TNFRSF19: variants seen among roughly 807,000 people sequenced by gnomAD.
The protein encoded by TNFRSF19 is tumor necrosis factor receptor superfamily member 19.
TNFRSF19 carries 27 observed loss-of-function variants against 46.4 expected under a neutral mutation model. The observed-to-expected ratio is 0.58, with a 90% CI of 0.43 to 0.80. The LOEUF is 0.80. Ranked by LOEUF, TNFRSF19 falls within the 30% of genes least tolerant of loss-of-function variation. The pLI, the probability that TNFRSF19 is intolerant of heterozygous loss-of-function variation, is 0.00. For missense variants in TNFRSF19, 511 were observed against 530.8 expected, an observed-to-expected ratio of 0.96 and a Z score of 0.37; for synonymous variants, 204 against 205.0, an observed-to-expected ratio of 1.00 and a Z score of 0.04.
At chr13:23,672,055 A>C (rs1228963350) in intron 9 of TNFRSF19, among the ~76,000 whole-genome samples, 1 of 152,180 alleles carries the variant, frequency 6.6e-6, no homozygotes, top group Non-Finnish European at 1.5e-5. Context: ...GCCAAACAGC[A>C]CTTCTGTCTT....
intron 5 of TNFRSF19, among the ~76,000 whole-genome samples, chr13:23,652,972 A>G (rs1331517379): frequency 6.6e-6 from 1 of 152,242 alleles, no homozygotes; most frequent in East Asian, 1.9e-4. Context: ...AAGCTGCTGT[A>G]ACAAAGAGAC....
At chr13:23,635,024 T>C (rs1254806883) in intron 5 of TNFRSF19, among the ~76,000 whole-genome samples, 1 of 152,044 alleles carries the variant, frequency 6.6e-6, no homozygotes, top group African/African-American at 2.4e-5. Context: ...CAGCCTGCCC[T>C]TCACATAATG....
At chr13:23,571,872 G>GC (rs1423384502) in intron 1 of TNFRSF19, among the ~76,000 whole-genome samples, 73 of 144,486 alleles carry the variant, frequency 5.1e-4, no homozygotes, top group Non-Finnish European at 2.1e-4. Flanking sequence ...TGTTCGCGAT[G>GC]TTTTTTTTTT....
chr13:23,600,897 A>G (rs140213515), intron 3 of TNFRSF19, among the ~76,000 whole-genome samples: 39 of 152,362 alleles, frequency 2.6e-4, no homozygotes, highest in Non-Finnish European at 4.7e-4. Flanking sequence ...ACAAAAATGT[A>G]CAAAGCATAC....
At chr13:23,584,899 G>A (rs1475888643) in intron 1 of TNFRSF19, among the ~76,000 whole-genome samples, 1 of 152,170 alleles carries the variant, frequency 6.6e-6, no homozygotes, top group Non-Finnish European at 1.5e-5. Context: ...TAGTGAGATT[G>A]AAAGCTAAGA....
At chr13:23,670,049 AG>A (rs1951732266) in intron 9 of TNFRSF19, among the ~76,000 whole-genome samples, 1 of 152,150 alleles carries the variant, frequency 6.6e-6, no homozygotes, top group Admixed American at 6.5e-5. Context: ...CCTGCTCCAG[AG>A]GGGCCTCACT....
intron 5 of TNFRSF19, among the ~76,000 whole-genome samples, chr13:23,637,304 C>T (rs896915146): frequency 2.0e-5 from 3 of 152,180 alleles, no homozygotes; most frequent in African/African-American, 7.2e-5. Context: ...ATGTAGGCTT[C>T]GCTGTGAAGA....
At chr13:23,664,493 C>A (rs1951585325) in intron 7 of TNFRSF19, among the ~76,000 whole-genome samples, 1 of 152,172 alleles carries the variant, frequency 6.6e-6, no homozygotes, top group South Asian at 2.1e-4. Flanking sequence ...TAGCCAACCA[C>A]CCTCTCTACA....
At chr13:23,582,880 T>C (rs142877339) in intron 1 of TNFRSF19, among the ~76,000 whole-genome samples, 4 of 152,340 alleles carry the variant, frequency 2.6e-5, no homozygotes, top group Non-Finnish European at 5.9e-5. Flanking sequence ...TTCATCCACA[T>C]TATTACAGGT....
intron 1 of TNFRSF19, among the ~76,000 whole-genome samples, chr13:23,586,689 T>C (rs944844848): frequency 1.3e-5 from 2 of 152,180 alleles, no homozygotes; most frequent in Admixed American, 6.5e-5. Context: ...TTAGGACACA[T>C]CCGTGTTAGT....
At chr13:23,660,677 T>G (rs1006770470) in intron 7 of TNFRSF19, among the ~76,000 whole-genome samples, 187 bp downstream of exon 7, 8 of 152,162 alleles carry the variant, frequency 5.3e-5, no homozygotes, top group Admixed American at 3.3e-4. Flanking sequence ...CTCTTAAGCA[T>G]TAAAAAGGAA....
At chr13:23,608,189 G>A (rs1229408612) in intron 3 of TNFRSF19, among the ~76,000 whole-genome samples, 2 of 152,134 alleles carry the variant, frequency 1.3e-5, no homozygotes, top group African/African-American at 2.4e-5. Context: ...GACTTAGATT[G>A]ATGATACCCT....
chr13:23,613,050 T>A (rs1453551597), intron 3 of TNFRSF19, among the ~76,000 whole-genome samples: 1 of 152,220 alleles, frequency 6.6e-6, no homozygotes, highest in Non-Finnish European at 1.5e-5. Context: ...TTAAGAAAAT[T>A]ATGATTTCTT....
At position 23,673,271 on chromosome 13, in the gene TNFRSF19, T is replaced by G. The variant is rs182724202; in HGVS notation, c.1246-101T>G. 226 of 1,309,074 alleles carry G rather than the reference T, an allele frequency of 1.7e-4. 2 individuals carry two copies. In the African/African-American group the frequency reaches 3.0e-3, roughly 18 times the overall value. The allele number at this position is 1,309,074 out of a possible 1,614,324, so 81.1% of individuals were successfully genotyped here. ...ATGCTATTATTATATCCATGTATAC[T>G]ACTAGTAAAAGTTATGCATAATAAT... On this transcript the variant is annotated intron_variant, in intron 9 of 9. Coordinates refer to ENST00000248484, the MANE Select transcript of TNFRSF19 (RefSeq NM_148957.4).
At chr13:23,604,070 G>A (rs1880350338) in intron 3 of TNFRSF19, among the ~76,000 whole-genome samples, 1 of 151,946 alleles carries the variant, frequency 6.6e-6, no homozygotes, top group African/African-American at 2.4e-5. Context: ...ACTTCTCCTT[G>A]TTCACATATG....
At chr13:23,649,251 G>A (rs1049195945) in intron 5 of TNFRSF19, among the ~76,000 whole-genome samples, 8 of 151,960 alleles carry the variant, frequency 5.3e-5, no homozygotes, top group African/African-American at 1.4e-4. Flanking sequence ...CAATCTCTTC[G>A]GTTATATAGA....
chr13:23,596,517 G>C (rs748032847), intron 3 of TNFRSF19, among the ~76,000 whole-genome samples: 1 of 152,096 alleles, frequency 6.6e-6, no homozygotes, highest in Non-Finnish European at 1.5e-5. Context: ...AATGGTATAA[G>C]GGATCAATGC....
intron 1 of TNFRSF19, among the ~76,000 whole-genome samples, chr13:23,581,219 C>G (rs1049024501): frequency 3.3e-5 from 5 of 151,754 alleles, no homozygotes; most frequent in African/African-American, 1.2e-4. Flanking sequence ...CCGCTCTGCG[C>G]ACTGCAAGCT....
chr13:23,639,555 G>A (rs2138332773), intron 5 of TNFRSF19, among the ~76,000 whole-genome samples: 1 of 152,290 alleles, frequency 6.6e-6, no homozygotes, highest in Admixed American at 6.5e-5. Context: ...CCTTTCCCTG[G>A]AGTCTCCCAC....
Sources: allele counts gnomAD v4.1 joint callset (sites outside exome capture counted in the v4.1 genomes callset), GRCh38; gene constraint gnomAD v4.1.1; transcripts MANE v1.5; gene names NCBI Gene and HGNC (gene_info 2026-07-23, HGNC 2026-07-21).